CARS2: variants seen among roughly 807,000 people sequenced by gnomAD.
The protein encoded by CARS2 is probable cysteine--tRNA ligase, mitochondrial.
A neutral mutation model predicts 68.8 loss-of-function variants in CARS2; 52 were observed. The observed-to-expected ratio is 0.76, with a 90% CI of 0.61 to 0.95. The LOEUF is 0.95. Among genes scored for constraint, CARS2 ranks in the 40% least tolerant of loss-of-function variants. The pLI, the probability that CARS2 is intolerant of heterozygous loss-of-function variation, is 0.00. For synonymous variants in CARS2, 314 were observed against 303.6 expected (o/e 1.03, Z -0.36); for missense variants, 780 against 754.2 (o/e 1.03, Z -0.40).
intron 3 of CARS2, 189 bp downstream of exon 3, chr13:110,701,249 A>G: frequency 2.2e-6 from 1 of 464,578 alleles, no homozygotes; most frequent in Non-Finnish European, 3.9e-6. Flanking sequence ...TTTTTAGTAC[A>G]GACAAGGTTT....
At chr13:110,709,295 TGTTA>T (rs1566372428), upstream of CARS2, among the ~76,000 whole-genome samples, 1 of 151,922 alleles carries the variant, frequency 6.6e-6, no homozygotes, top group Admixed American at 6.6e-5. Flanking sequence ...GGTTTCTCCA[TGTTA>T]GTCAGGCTGG....
chr13:110,706,181 G>C (rs2063954439), upstream of CARS2: 19 of 964,426 alleles, frequency 2.0e-5, no homozygotes, highest in Non-Finnish European at 2.4e-5. Context: ...GCCCCGCCCC[G>C]CCCCGCCCAC....
At position 110,644,412 on chromosome 13, in the gene CARS2, A is replaced by G. The variant is rs1253244339; in HGVS notation, c.1389T>C (p.Thr463=). 6.2e-7 allele frequency: 1 copy of G among 1,614,138 alleles called. No homozygotes were observed. Among genetic ancestry groups the G allele is most frequent in the Admixed American group, 1.7e-5 (1 of 60,030 alleles). ...IISYFEQFFE[T]VGISLANQQY... ...GTTGATTTGCCAGAGAAATTCCAACAGTTTCAAAAAACTGTTCAAAGTAAG... is the reference window on the plus strand; with the variant it reads ...GTTGATTTGCCAGAGAAATTCCAACGGTTTCAAAAAACTGTTCAAAGTAAG... The change falls in exon 13 of 15, where the codon ACT becomes ACC. Residue 463 remains threonine (T), a synonymous_variant. Coordinates refer to ENST00000257347, the MANE Select transcript of CARS2 (RefSeq NM_024537.4).
At chr13:110,683,001 G>T in intron 6 of CARS2, 50 bp downstream of exon 6, 1 of 1,349,058 alleles carries the variant, frequency 7.4e-7, no homozygotes, top group Non-Finnish European at 1.0e-6. Flanking sequence ...CCAGAGCTGA[G>T]ACCCGAGGCA....
upstream of CARS2, chr13:110,706,222 A>C (rs888863097): frequency 1.7e-6 from 1 of 605,528 alleles, no homozygotes; most frequent in East Asian, 4.4e-5. Flanking sequence ...TCCCGGAAGC[A>C]GTCCTCAGGT....
Position 110,659,001 on chromosome 13 carries a change from G to A in CARS2, c.987+4450C>T, listed in dbSNP as rs1355666427. ...AGAAATTACTGCTAACTTTTTAGGT[G>A]TTTGGATTATGTAGGAAAGCATCCT... On this transcript the variant is annotated intron_variant, in intron 9 of 14. Transcript: ENST00000257347. Among the ~76,000 whole-genome samples, 5 of 152,090 alleles carry A rather than the reference G, an allele frequency of 3.3e-5. No individual in the cohort carries two copies. The East Asian group carries it at 9.6e-4, about 29-fold the overall frequency.
At chr13:110,671,273 AAAGTT>A (rs1244074021) in intron 7 of CARS2, among the ~76,000 whole-genome samples, 1 of 152,202 alleles carries the variant, frequency 6.6e-6, no homozygotes, top group Admixed American at 6.5e-5. Context: ...CAGATTCACC[AAAGTT>A]GAAATGAAGG....
At chr13:110,647,049 C>T (rs955400680) in intron 11 of CARS2, 52 bp downstream of exon 11, 7 of 1,505,706 alleles carry the variant, frequency 4.6e-6, no homozygotes, top group African/African-American at 1.4e-5. Flanking sequence ...ACCAGCAGCA[C>T]CCAGCAGGCC....
chr13:110,652,205 C>T (rs1010608795), intron 9 of CARS2, among the ~76,000 whole-genome samples: 1 of 152,266 alleles, frequency 6.6e-6, no homozygotes. Flanking sequence ...GGCAGCAACA[C>T]AAGCCCAGAG....
chr13:110,700,278 G>A (rs1413265028), intron 3 of CARS2, among the ~76,000 whole-genome samples: 1 of 152,184 alleles, frequency 6.6e-6, no homozygotes, highest in African/African-American at 2.4e-5. Flanking sequence ...CTCTGGAAGG[G>A]GTTCTAGAAC....
Position 110,665,810 on chromosome 13 carries a change from C to T in CARS2, c.919+1530G>A. 1.0e-6 allele frequency: 1 copy of T among 985,406 alleles called. No homozygotes were observed. The highest frequency in any genetic ancestry group is 1.2e-6 in the Non-Finnish European group (1 of 829,924). The allele number at this position is 985,406 out of a possible 1,614,324, so 61.0% of individuals were successfully genotyped here. On this transcript the variant is annotated intron_variant, in intron 8 of 14. Coordinates refer to ENST00000257347, the MANE Select transcript of CARS2 (RefSeq NM_024537.4). This position sits in a 1 kb window ranked among gnomAD's most constrained non-coding sequence, Gnocchi z 4.3. The stretch of plus-strand genomic sequence containing the variant: ...CATGAAGAAACCCAAGTGAACCCTG[C>T]TGCGGACCAGAAAACCGGAGCACTT...
chr13:110,705,316 T>C lies in CARS2; in HGVS notation c.275+205A>G, dbSNP rs1156371069. Among the ~76,000 whole-genome samples the C allele has an allele frequency of 6.6e-6, 1 of 152,246 alleles. No individual in the cohort carries two copies. The highest frequency in any genetic ancestry group is 1.5e-5 in the Non-Finnish European group (1 of 68,034). On this transcript the variant is annotated intron_variant, in intron 2 of 14. Transcript: ENST00000257347. This position sits in a 1 kb window ranked among gnomAD's most constrained non-coding sequence, Gnocchi z 4.0. ...ATTTTTCAGTGCTCCATTGTCTCCC[T>C]GAGTTTCCTCACCTGTAAAACGGGT... is the stretch of plus-strand genomic sequence containing the variant.
At chr13:110,701,239 T>A in intron 3 of CARS2, 199 bp downstream of exon 3, 1 of 416,238 alleles carries the variant, frequency 2.4e-6, no homozygotes, top group Non-Finnish European at 4.3e-6. Context: ...AATTTTTGTA[T>A]TTTTAGTACA....
chr13:110,688,549 T>C (rs1186203723), intron 3 of CARS2, among the ~76,000 whole-genome samples: 4 of 152,194 alleles, frequency 2.6e-5, no homozygotes, highest in Non-Finnish European at 2.9e-5. Context: ...CCAGTCTGTA[T>C]GATAAGAAAC....
intron 8 of CARS2, chr13:110,664,494 G>A: frequency 3.1e-6 from 2 of 649,636 alleles, no homozygotes; most frequent in Non-Finnish European, 3.8e-6. Context: ...TCCAGCCTGG[G>A]CCACAGAGCG....
chr13:110,709,080 T>G (rs1030315108), upstream of CARS2, among the ~76,000 whole-genome samples: 11 of 149,040 alleles, frequency 7.4e-5, no homozygotes, highest in Non-Finnish European at 1.5e-4. Flanking sequence ...TTTCTCTTTT[T>G]TCTTTTTTTT....
intron 7 of CARS2, among the ~76,000 whole-genome samples, chr13:110,672,870 A>G (rs2062838578): frequency 2.0e-5 from 3 of 152,254 alleles, no homozygotes; most frequent in Non-Finnish European, 4.4e-5. Context: ...ACAACAAAAA[A>G]TGATAAAGGG....
Position 110,676,306 on chromosome 13 carries a change from C to T in CARS2, c.785+668G>A, listed in dbSNP as rs927728051. Among the ~76,000 whole-genome samples the T allele has an allele frequency of 2.6e-5, 4 of 152,326 alleles. No homozygotes were observed. The highest frequency in any genetic ancestry group is 6.5e-5 in the Admixed American group (1 of 15,302). On this transcript the variant is annotated intron_variant, in intron 7 of 14. Coordinates refer to ENST00000257347, the MANE Select transcript of CARS2 (RefSeq NM_024537.4). This position sits in a 1 kb window ranked among gnomAD's most constrained non-coding sequence, Gnocchi z 4.0. ...CCACAGGGTGTGGACACCTCAGGTG[C>T]GTCCAAGGGGACCAGGGAGAAGGCG...
intron 8 of CARS2, chr13:110,664,601 C>T (rs781168356): frequency 1.2e-4 from 121 of 971,760 alleles, no homozygotes; most frequent in Non-Finnish European, 1.4e-4. Flanking sequence ...ACATGTAATT[C>T]TATATAATGT....
Sources: gnomAD v4.1 joint callset for allele counts (sites outside exome capture counted in the v4.1 genomes callset) on GRCh38, gnomAD v4.1.1 for gene constraint, Gnocchi (gnomAD v3.1) non-coding constraint, MANE v1.5 for transcripts, NCBI Gene and HGNC (gene_info 2026-07-23, HGNC 2026-07-21) for gene names.